Variants in DSCAML1 observed in about 807,000 individuals in gnomAD.
The protein encoded by DSCAML1 is DS cell adhesion molecule like 1.
In DSCAML1, 38 loss-of-function variants were observed where a neutral mutation model predicts 200.5. The ratio of observed to expected loss-of-function variants is 0.19; its 90% CI spans 0.15 to 0.25. The LOEUF (loss-of-function observed/expected upper bound fraction) is 0.25. DSCAML1 is among the 10% of genes least tolerant of loss of function. DSCAML1 has a pLI of 1.00. For missense variants in DSCAML1, 2,223 were observed against 2,858.8 expected (o/e 0.78, Z 5.07); for synonymous variants, 1,215 against 1,165.0 (o/e 1.04, Z -0.87).
At chr11:117,773,161 A>G (rs1190892638) in intron 3 of DSCAML1, among the ~76,000 whole-genome samples, 1 of 151,766 alleles carries the variant, frequency 6.6e-6, no homozygotes, top group Non-Finnish European at 1.5e-5. Context: ...TTCTTCCCAG[A>G]CTCCTTCAGA....
At chr11:117,478,077 G>T (rs1185864519) in intron 14 of DSCAML1, among the ~76,000 whole-genome samples, 6 of 152,248 alleles carry the variant, frequency 3.9e-5, no homozygotes. Flanking sequence ...GGCAAGACGT[G>T]GATGTGCTGT....
chr11:117,447,372 T>A (rs1020291605), intron 20 of DSCAML1, among the ~76,000 whole-genome samples: 1 of 152,168 alleles, frequency 6.6e-6, no homozygotes. Flanking sequence ...CAGATTGCAT[T>A]ACGTTATGTA....
chr11:117,518,548 C>G lies in DSCAML1; in HGVS notation c.1428G>C (p.Gln476His). ...ACCGGTACACGCCCCCGTCGCGGAT[C>G]TGGGGGCCTGTGACGTTCATGTGGC... ...TISHMNVTGP[Q>H]IRDGGVYRCT... The change falls in exon 7 of 33, where the codon CAG becomes CAC. Residue 476 changes from glutamine to histidine, a missense_variant. Coordinates refer to ENST00000651296, the MANE Select transcript of DSCAML1 (RefSeq NM_020693.4). This position sits in a 1 kb window ranked among gnomAD's most constrained non-coding sequence, Gnocchi z 6.3. 2 of 1,614,220 alleles carry G rather than the reference C, an allele frequency of 1.2e-6. No individual in the cohort carries two copies. The highest frequency in any genetic ancestry group is 1.7e-6 in the Non-Finnish European group (2 of 1,180,042).
Position 117,780,700 on chromosome 11 carries a change from G to A in DSCAML1, c.157C>T (p.Pro53Ser), listed in dbSNP as rs753450140. 1 of 1,584,622 alleles carries A rather than the reference G, an allele frequency of 6.3e-7. No individual in the cohort carries two copies. Among genetic ancestry groups the A allele is most frequent in the Non-Finnish European group, 8.6e-7 (1 of 1,164,180 alleles). ...AGGTACCATCGAAGGGCCGCGCTGG[G>A]GGAGCCCGCGGCCGGGCAGGGCACC... is the stretch of plus-strand genomic sequence containing the variant. Reference protein sequence around the residue: ...VVVPCPAAGSPSAALRWYLAT... With the variant: ...VVVPCPAAGSSSAALRWYLAT... Residue 53 changes from proline to serine, a missense_variant, in exon 2 of 33, where the codon CCC becomes TCC. By Grantham distance (74) the Pro-to-Ser change is moderately conservative (BLOSUM62 -1). Around this residue, in one of 7 missense-constraint regions of DSCAML1, gnomAD observed 579 missense variants for 721.5 expected, o/e 0.80. Coordinates refer to ENST00000651296, the MANE Select transcript of DSCAML1 (RefSeq NM_020693.4). This position sits in a 1 kb window ranked among gnomAD's most constrained non-coding sequence, Gnocchi z 4.8.
rs551046088 is a variant in DSCAML1, at chr11:117,672,598, T to C, written c.511+104193A>G. 5.9e-5 allele frequency among the ~76,000 whole-genome samples: 9 copies of C among 152,350 alleles called. No homozygotes were observed. In the East Asian group the frequency reaches 9.6e-4, roughly 16 times the overall value. ...TCACAGCAACTTCAGAATAAGCCCATGGGCATCCAGGGCGAGCCTATGAGT... is the reference window on the plus strand; with the variant it reads ...TCACAGCAACTTCAGAATAAGCCCACGGGCATCCAGGGCGAGCCTATGAGT... On this transcript the variant is annotated intron_variant, in intron 3 of 32. Coordinates refer to ENST00000651296, the MANE Select transcript of DSCAML1 (RefSeq NM_020693.4).
upstream of DSCAML1, among the ~76,000 whole-genome samples, chr11:117,798,481 T>G (rs551587881): frequency 3.3e-5 from 5 of 152,322 alleles, no homozygotes; most frequent in South Asian, 1.0e-3. Context: ...AATTTACCAT[T>G]TCAACCATTT....
chr11:117,793,007 A>G (rs568513101), intron 1 of DSCAML1, among the ~76,000 whole-genome samples: 1 of 152,274 alleles, frequency 6.6e-6, no homozygotes, highest in East Asian at 1.9e-4. Context: ...AGCATTACCA[A>G]CAGCAGTCCT....
intron 3 of DSCAML1, among the ~76,000 whole-genome samples, chr11:117,667,467 C>T (rs2053002588): frequency 6.6e-6 from 1 of 152,104 alleles, no homozygotes; most frequent in African/African-American, 2.4e-5. Context: ...CTGACTAGCC[C>T]CTCACTCTCT....
rs1325244683 is a variant in DSCAML1 at position 117,480,467 on chromosome 11, C to T, written c.2761G>A (p.Asp921Asn). Reference protein sequence around the residue: ...FDGNSIITGFDIEYKNKSDSW... With the variant: ...FDGNSIITGFNIEYKNKSDSW... ...CCTGATTTGTTCTTGTATTCAATGT[C>T]GAAGCCCGTGATGATGCTGTTCCCG... is the stretch of plus-strand genomic sequence containing the variant. The change falls in exon 14 of 33, where the codon GAC (aspartate) becomes AAC (asparagine). Residue 921 changes from aspartate (D) to asparagine (N), a missense_variant. This residue lies in a region of DSCAML1 where 438 missense variants were observed against 629.7 expected (regional missense o/e 0.70). Transcript: ENST00000651296. The surrounding 1 kb of genome is among the most constrained non-coding windows in gnomAD (Gnocchi z 4.1). The T allele has an allele frequency of 1.2e-6, 2 of 1,613,582 alleles. No individual in the cohort carries two copies. Among genetic ancestry groups the T allele is most frequent in the Non-Finnish European group, 1.7e-6 (2 of 1,179,836 alleles).
chr11:117,618,245 T>A (rs1289270669), intron 3 of DSCAML1, among the ~76,000 whole-genome samples: 3 of 152,202 alleles, frequency 2.0e-5, no homozygotes, highest in Admixed American at 6.5e-5. Context: ...GCCAGATGGT[T>A]GTTGAGTCTT....
intron 3 of DSCAML1, among the ~76,000 whole-genome samples, chr11:117,683,649 C>T (rs1423285583): frequency 1.3e-5 from 2 of 152,200 alleles, no homozygotes; most frequent in Admixed American, 6.5e-5. Flanking sequence ...CTTGTAGCCT[C>T]TCGGGCCAAA....
At chr11:117,816,242 C>T (rs931205574) in intron 1 of DSCAML1, among the ~76,000 whole-genome samples, 1 of 152,184 alleles carries the variant, frequency 6.6e-6, no homozygotes, top group African/African-American at 2.4e-5. Context: ...CGGGCCCTTC[C>T]GTGGCTCTCC....
intron 3 of DSCAML1, among the ~76,000 whole-genome samples, chr11:117,560,940 G>T (rs2050650482): frequency 6.6e-6 from 1 of 152,220 alleles, no homozygotes; most frequent in African/African-American, 2.4e-5. Context: ...TGGACCAAGA[G>T]CTCTCCTGAG....
At chr11:117,495,148 T>C (rs1435137544) in intron 11 of DSCAML1, among the ~76,000 whole-genome samples, 1 of 152,058 alleles carries the variant, frequency 6.6e-6, no homozygotes, top group Non-Finnish European at 1.5e-5. Flanking sequence ...TAGGGGGGCT[T>C]CCTAGGTGCC....
chr11:117,507,172 A>T lies in DSCAML1; in HGVS notation c.1784-1440T>A, dbSNP rs1011180744. Among the ~76,000 whole-genome samples, 3 of 152,232 alleles carry T rather than the reference A, an allele frequency of 2.0e-5. No homozygotes were observed. In the South Asian group the frequency reaches 6.2e-4, roughly 32 times the overall value. On this transcript the variant is annotated intron_variant, in intron 8 of 32. Coordinates refer to ENST00000651296, the MANE Select transcript of DSCAML1 (RefSeq NM_020693.4). ...AGCAAGTGGGGCAGAAGAGAGAAGG[A>T]GATAGACAATTAGCTTAACAAGGAT...
At chr11:117,741,563 C>T (rs1258032647) in intron 3 of DSCAML1, among the ~76,000 whole-genome samples, 8 of 152,266 alleles carry the variant, frequency 5.3e-5, no homozygotes, top group African/African-American at 1.7e-4. Flanking sequence ...GTGTTATTCC[C>T]ATTGACAAAT....
At chr11:117,583,097 A>C (rs971513040) in intron 3 of DSCAML1, among the ~76,000 whole-genome samples, 2 of 151,950 alleles carry the variant, frequency 1.3e-5, no homozygotes, top group Non-Finnish European at 2.9e-5. Context: ...AAGGTCACCC[A>C]GTAACCAGGT....
intron 3 of DSCAML1, among the ~76,000 whole-genome samples, chr11:117,620,139 G>A (rs562874536): frequency 2.6e-5 from 4 of 152,270 alleles, no homozygotes; most frequent in East Asian, 3.9e-4. Flanking sequence ...GGTCCCATAT[G>A]TGAACGATTC....
chr11:117,585,410 C>T (rs2051121223), intron 3 of DSCAML1, among the ~76,000 whole-genome samples: 1 of 152,036 alleles, frequency 6.6e-6, no homozygotes, highest in African/African-American at 2.4e-5. Context: ...CCACCACGCC[C>T]AGCTAACTTT....
Sources: gnomAD v4.1 joint callset for allele counts (sites outside exome capture counted in the v4.1 genomes callset) on GRCh38, gnomAD v4.1.1 for gene constraint, gnomAD v4.1.1 regional missense constraint, Gnocchi (gnomAD v3.1) non-coding constraint, MANE v1.5 for transcripts, NCBI Gene and HGNC (gene_info 2026-07-23, HGNC 2026-07-21) for gene names.